KCNQ1OT1: variants seen among roughly 807,000 people sequenced by gnomAD.
The protein encoded by KCNQ1OT1 is KCNQ1 antisense RNA 2 (non-protein coding).
In KCNQ1OT1 at chr11:2,621,842, C is replaced by G. The variant is rs1849177355; in HGVS notation, n.78153G>C. On this transcript the variant is annotated non_coding_transcript_exon_variant, in exon 1 of 1. Coordinates refer to ENST00000597346, the Ensembl canonical transcript of KCNQ1OT1. This position sits in a 1 kb window ranked among gnomAD's most constrained non-coding sequence, Gnocchi z 5.7. ...AAAATTGAAGTCTTAGTTTTACTGA[C>G]TTTTTTCCCCTATGGTTTTTCTTTC... 2.5e-6 allele frequency: 1 copy of G among 398,106 alleles called. No homozygotes were observed. Among genetic ancestry groups the G allele is most frequent in the South Asian group, 1.3e-4 (1 of 7,852 alleles). The allele number at this position is 398,106 out of a possible 1,614,324, so 24.7% of individuals were successfully genotyped here.
rs1286330189 is a variant in KCNQ1OT1, at chr11:2,620,365, C to T, written n.79630G>A. The T allele has an allele frequency of 8.3e-5, 17 of 205,212 alleles. No individual in the cohort carries two copies. The highest frequency in any genetic ancestry group is 2.4e-4 in the Admixed American group (4 of 16,832). The allele number at this position is 205,212 out of a possible 1,614,324, so 12.7% of individuals were successfully genotyped here. ...CTGAGTAGCTGGGATTAGAGGCATG[C>T]GCCACCACGTCCAGCTAATTTTGTA... is the stretch of plus-strand genomic sequence containing the variant. On this transcript the variant is annotated non_coding_transcript_exon_variant, in exon 1 of 1. Transcript: ENST00000597346. The surrounding 1 kb of genome is among the most constrained non-coding windows in gnomAD (Gnocchi z 4.5).
chr11:2,623,517 A>G lies in KCNQ1OT1; in HGVS notation n.76478T>C. 1 of 398,584 alleles carries G rather than the reference A, an allele frequency of 2.5e-6. No individual in the cohort carries two copies. The allele number at this position is 398,584 out of a possible 1,614,324, so 24.7% of individuals were successfully genotyped here. On this transcript the variant is annotated non_coding_transcript_exon_variant, in exon 1 of 1. Coordinates refer to ENST00000597346, the Ensembl canonical transcript of KCNQ1OT1. The surrounding 1 kb of genome is among the most constrained non-coding windows in gnomAD (Gnocchi z 5.2). ...TAAAATGCAATATGATTGGAATCAT[A>G]CAGTATGTAGTTTCTTCAGATTGCC...
Position 2,682,823 on chromosome 11 carries a change from G to A in KCNQ1OT1, n.17172C>T. On this transcript the variant is annotated non_coding_transcript_exon_variant, in exon 1 of 1. Coordinates refer to ENST00000597346, the Ensembl canonical transcript of KCNQ1OT1. This position sits in a 1 kb window ranked among gnomAD's most constrained non-coding sequence, Gnocchi z 5.8. ...AGTGACTTGCAGTGATCCTCCTGGG[G>A]CCTTGTATAGAAGAGACCATCTCAG... 1 of 398,590 alleles carries A rather than the reference G, an allele frequency of 2.5e-6. No individual in the cohort carries two copies. 24.7% of individuals were successfully genotyped at this position (398,590 alleles called of 1,614,324 possible).
At position 2,687,568 on chromosome 11, in the gene KCNQ1OT1, C is replaced by T. The variant is rs1850512169; in HGVS notation, n.12427G>A. The T allele has an allele frequency of 2.5e-6, 1 of 398,714 alleles. No homozygotes were observed. Among genetic ancestry groups the T allele is most frequent in the East Asian group, 3.6e-5 (1 of 28,080 alleles). 24.7% of individuals were successfully genotyped at this position (398,714 alleles called of 1,614,324 possible). A position where few individuals can be genotyped will look rare whatever the true frequency, so the allele number is the denominator to read the frequency against. ...ACCTACCACAGCCCACTCTGATGAC[C>T]CCCTGTCAAGGAGGTGTGACTGAGA... On this transcript the variant is annotated non_coding_transcript_exon_variant, in exon 1 of 1. Coordinates refer to ENST00000597346, the Ensembl canonical transcript of KCNQ1OT1. This position sits in a 1 kb window ranked among gnomAD's most constrained non-coding sequence, Gnocchi z 5.0.
exon 1 of KCNQ1OT1, chr11:2,644,363 T>G: frequency 2.5e-6 from 1 of 398,412 alleles, no homozygotes; most frequent in Non-Finnish European, 4.4e-6. Flanking sequence ...TGGTCTGTTA[T>G]TGAAGCTTTC....
At chr11:2,634,594 G>C (rs1302086280) in exon 1 of KCNQ1OT1, 1 of 152,120 alleles carries the variant, frequency 6.6e-6, no homozygotes, top group African/African-American at 2.4e-5. Flanking sequence ...GGACATTTGG[G>C]TTGGTTCCAA....
Position 2,627,379 on chromosome 11 carries a change from G to T in KCNQ1OT1, n.72616C>A. ...CCAAGTATAGAATATATTAACTATAGTCACCAATCTGGACGTTATGTCAAG... is the reference window on the plus strand; with the variant it reads ...CCAAGTATAGAATATATTAACTATATTCACCAATCTGGACGTTATGTCAAG... On this transcript the variant is annotated non_coding_transcript_exon_variant, in exon 1 of 1. Coordinates refer to ENST00000597346, the Ensembl canonical transcript of KCNQ1OT1. The surrounding 1 kb of genome is among the most constrained non-coding windows in gnomAD (Gnocchi z 4.9). 1 of 398,386 alleles carries T rather than the reference G, an allele frequency of 2.5e-6. No homozygotes were observed. Among genetic ancestry groups the T allele is most frequent in the Non-Finnish European group, 4.4e-6 (1 of 226,008 alleles). The allele number at this position is 398,386 out of a possible 1,614,324, so 24.7% of individuals were successfully genotyped here. A position where few individuals can be genotyped will look rare whatever the true frequency, so the allele number is the denominator to read the frequency against.
In KCNQ1OT1 at chr11:2,612,020, C is replaced by T. The variant is rs1352173894; in HGVS notation, n.87975G>A. ...CACATATGTTGTTACTCCTTAATTC[C>T]ACATATGTTTTCTACTCTTAATTAC... is the stretch of plus-strand genomic sequence containing the variant. On this transcript the variant is annotated non_coding_transcript_exon_variant, in exon 1 of 1. Transcript: ENST00000597346. This position sits in a 1 kb window ranked among gnomAD's most constrained non-coding sequence, Gnocchi z 5.5. 1 of 398,450 alleles carries T rather than the reference C, an allele frequency of 2.5e-6. No individual in the cohort carries two copies. Among genetic ancestry groups the T allele is most frequent in the East Asian group, 3.6e-5 (1 of 28,084 alleles). 24.7% of individuals were successfully genotyped at this position (398,450 alleles called of 1,614,324 possible).
At chr11:2,699,802 C>T (rs896864023) in exon 1 of KCNQ1OT1, 12 of 397,214 alleles carry the variant, frequency 3.0e-5, no homozygotes, top group Admixed American at 1.3e-4. Context: ...AGGGGCGCGC[C>T]GGGGAGAACC....
At chr11:2,644,213 T>G (rs1047428904) in exon 1 of KCNQ1OT1, 13 of 398,468 alleles carry the variant, frequency 3.3e-5, no homozygotes, top group Non-Finnish European at 5.3e-5. Flanking sequence ...CTTCACCTTC[T>G]GGGACACTGA....
Position 2,695,003 on chromosome 11 carries a change from T to A in KCNQ1OT1, n.4992A>T, listed in dbSNP as rs993554640. 2.5e-6 allele frequency: 1 copy of A among 398,570 alleles called. No individual in the cohort carries two copies. Among genetic ancestry groups the A allele is most frequent in the South Asian group, 1.3e-4 (1 of 7,866 alleles). The allele number at this position is 398,570 out of a possible 1,614,324, so 24.7% of individuals were successfully genotyped here. ...GAAGGCTGGCAGAGCCAAAGCTCAG[T>A]GAGGGAGGACAGTGGTCAGAGAGGT... On this transcript the variant is annotated non_coding_transcript_exon_variant, in exon 1 of 1. Transcript: ENST00000597346. The surrounding 1 kb of genome is among the most constrained non-coding windows in gnomAD (Gnocchi z 5.2).
rs764727029 is a variant in KCNQ1OT1 at position 2,622,686 on chromosome 11, G to A, written n.77309C>T. Reference sequence around the variant, plus strand: ...AGTGTACCATTATGATTCTCTATTCGATTGTCTGTATGTGTGTATGTGTAT... The same window carrying A: ...AGTGTACCATTATGATTCTCTATTCAATTGTCTGTATGTGTGTATGTGTAT... On this transcript the variant is annotated non_coding_transcript_exon_variant, in exon 1 of 1. Coordinates refer to ENST00000597346, the Ensembl canonical transcript of KCNQ1OT1. The A allele has an allele frequency of 9.8e-4, 391 of 398,112 alleles. 1 individual carries two copies. Among genetic ancestry groups the A allele is most frequent in the Middle Eastern group, 1.9e-3 (3 of 1,588 alleles). The allele number at this position is 398,112 out of a possible 1,614,324, so 24.7% of individuals were successfully genotyped here. A position where few individuals can be genotyped will look rare whatever the true frequency, so the allele number is the denominator to read the frequency against.
At chr11:2,632,682 C>T in exon 1 of KCNQ1OT1, 1 of 398,366 alleles carries the variant, frequency 2.5e-6, no homozygotes, top group East Asian at 3.6e-5. Context: ...TCAAAATCCT[C>T]CATCTTTCTG....
exon 1 of KCNQ1OT1, chr11:2,650,885 G>A (rs931700859): frequency 2.5e-5 from 10 of 398,460 alleles, no homozygotes; most frequent in African/African-American, 2.1e-4. Context: ...AGGGGATGAG[G>A]AGCAGCATGC....
exon 1 of KCNQ1OT1, chr11:2,643,257 G>T (rs967067265): frequency 2.5e-6 from 1 of 398,128 alleles, no homozygotes; most frequent in African/African-American, 2.1e-5. Flanking sequence ...TGGAAATGGA[G>T]AATTGAAGTT....
Position 2,626,177 on chromosome 11 carries a change from AG to A in KCNQ1OT1, n.73817del, listed in dbSNP as rs2133810192. The A allele has an allele frequency of 2.5e-6, 1 of 398,598 alleles. No individual in the cohort carries two copies. Among genetic ancestry groups the A allele is most frequent in the South Asian group, 1.3e-4 (1 of 7,856 alleles). 24.7% of individuals were successfully genotyped at this position (398,598 alleles called of 1,614,324 possible). A position where few individuals can be genotyped will look rare whatever the true frequency, so the allele number is the denominator to read the frequency against. On this transcript the variant is annotated non_coding_transcript_exon_variant, in exon 1 of 1. Transcript: ENST00000597346. The surrounding 1 kb of genome is among the most constrained non-coding windows in gnomAD (Gnocchi z 4.0). ...AGTTTTTCCCCTATGTTTCCTTATA[AG>A]ACTTCATAGTTTTAGGACTTTGACC...
exon 1 of KCNQ1OT1, chr11:2,616,934 T>G (rs531370478): frequency 2.5e-6 from 1 of 397,262 alleles, no homozygotes; most frequent in Non-Finnish European, 4.4e-6. Flanking sequence ...CTTATTGGGC[T>G]TCTGTCTGGC....
exon 1 of KCNQ1OT1, chr11:2,644,582 T>A: frequency 2.5e-6 from 1 of 398,606 alleles, no homozygotes; most frequent in Admixed American, 4.4e-5. Flanking sequence ...TGTTGGAGAA[T>A]TATTGCATTC....
exon 1 of KCNQ1OT1, chr11:2,628,885 T>C (rs1229735565): frequency 1.0e-5 from 4 of 398,280 alleles, no homozygotes; most frequent in Non-Finnish European, 1.3e-5. Context: ...CTTTCCCCAT[T>C]GTGTACTCTT....
Sources: allele counts gnomAD v4.1 joint callset, GRCh38; gene constraint gnomAD v4.1.1; non-coding constraint Gnocchi (gnomAD v3.1); transcripts MANE v1.5; gene names NCBI Gene and HGNC (gene_info 2026-07-23, HGNC 2026-07-21).